APOL5: variants seen among roughly 807,000 people sequenced by gnomAD.
APOL5 encodes the protein apolipoprotein L, 5.
A neutral mutation model predicts 35.5 loss-of-function variants in APOL5; 29 were observed. The observed-to-expected ratio is 0.82, with a 90% CI of 0.61 to 1.11. APOL5 has a LOEUF of 1.11. Among genes scored for constraint, APOL5 ranks in the 50% most tolerant of loss-of-function variants. APOL5 has a pLI of 0.00. For synonymous variants in APOL5, 188 were observed against 200.2 expected (o/e 0.94, Z 0.51); for missense variants, 514 against 530.4 (o/e 0.97, Z 0.30).
chr22:35,713,135 T>C (rs933126985), upstream of APOL5, among the ~76,000 whole-genome samples: 2 of 152,244 alleles, frequency 1.3e-5, no homozygotes, highest in Non-Finnish European at 2.9e-5. Context: ...TTCTCTCCTC[T>C]TCCTCCCAAA....
upstream of APOL5, among the ~76,000 whole-genome samples, chr22:35,714,703 C>T (rs771402279): frequency 1.8e-4 from 28 of 152,140 alleles, no homozygotes; most frequent in Middle Eastern, 6.3e-3. Flanking sequence ...GCAGGGTGTC[C>T]GACTGAGAAG....
intron 4 of APOL5, 147 bp downstream of exon 4, chr22:35,729,051 G>A (rs577843601): frequency 1.6e-4 from 137 of 838,848 alleles, no homozygotes; most frequent in South Asian, 1.4e-3. Context: ...CACCTGCCAC[G>A]CCACCTGGTG....
In APOL5 at chr22:35,728,808, A is replaced by G. The variant is rs1927268454; in HGVS notation, c.1212A>G (p.Thr404=). The G allele has an allele frequency of 6.2e-7, 1 of 1,613,476 alleles. No homozygotes were observed. Among genetic ancestry groups the G allele is most frequent in the Admixed American group, 1.7e-5 (1 of 59,948 alleles). ...TGGCACTGAGGACACCAAAGAGGAC[A>G]GTCTCTGCCCCAAGGATGCTTGGCC... ...PGVALRTPKR[T]VSAPRMLGHQ... is the part of the protein sequence containing the mutation. Residue 404 remains threonine, a synonymous_variant, in exon 4 of 5, where the codon ACA becomes ACG. Coordinates refer to ENST00000249044, the MANE Select transcript of APOL5 (RefSeq NM_030642.1).
In APOL5 at chr22:35,726,421, A is replaced by C. The variant is rs1044243474; in HGVS notation, c.353A>C (p.Lys118Thr). 12 of 1,614,178 alleles carry C rather than the reference A, an allele frequency of 7.4e-6. No homozygotes were observed. Among genetic ancestry groups the C allele is most frequent in the Non-Finnish European group, 1.0e-5 (12 of 1,180,034 alleles). The change falls in exon 3 of 5, where the codon AAA becomes ACA. Residue 118 changes from lysine to threonine, a missense_variant. By Grantham distance (78) the Lys-to-Thr change is moderately conservative (BLOSUM62 -1). Around this residue, in one of 3 missense-constraint regions of APOL5, gnomAD observed 254 missense variants for 254.7 expected, o/e 1.00. Transcript: ENST00000249044. ...LHKFELEQNI[K>T]ELNTLADQVD... ...AAGTTTGAGCTAGAACAGAACATCAAAGAACTTAACACCCTTGCGGACCAA... is the reference window on the plus strand; with the variant it reads ...AAGTTTGAGCTAGAACAGAACATCACAGAACTTAACACCCTTGCGGACCAA...
intron 1 of APOL5, 110 bp downstream of exon 1, chr22:35,718,036 C>A: frequency 3.8e-6 from 3 of 796,640 alleles, no homozygotes; most frequent in Non-Finnish European, 5.4e-6. Context: ...TATGCTATTG[C>A]TGGGTGGAGA....
At chr22:35,709,718 A>T in the APOL5 span, among the ~76,000 whole-genome samples, 1 of 152,054 alleles carries the variant, frequency 6.6e-6, no homozygotes, top group Non-Finnish European at 1.5e-5. Context: ...TTTATTCCAT[A>T]TGTTTTTGCT....
intron 3 of APOL5, 130 bp downstream of exon 3, chr22:35,727,324 C>T: frequency 7.4e-7 from 1 of 1,345,484 alleles, no homozygotes; most frequent in East Asian, 2.4e-5. Flanking sequence ...AAAGAGAGGA[C>T]TTGCCGCACA....
chr22:35,725,510 C>T (rs192456553), intron 2 of APOL5, among the ~76,000 whole-genome samples: 3 of 152,114 alleles, frequency 2.0e-5, no homozygotes, highest in South Asian at 2.1e-4. Flanking sequence ...GCCTGGGCCT[C>T]CCAAAATGCT....
intron 1 of APOL5, among the ~76,000 whole-genome samples, 193 bp downstream of exon 1, chr22:35,718,119 C>T (rs1926825002): frequency 6.6e-6 from 1 of 152,212 alleles, no homozygotes; most frequent in African/African-American, 2.4e-5. Context: ...GAAAATACTA[C>T]ATCAAATAAC....
chr22:35,722,794 G>A (rs13055041), intron 2 of APOL5, among the ~76,000 whole-genome samples: 38,933 of 152,110 alleles, frequency 0.26, 5,615 homozygotes, highest in Non-Finnish European at 0.33. Flanking sequence ...TTCCCAAAGA[G>A]CCTAGATGTG....
chr22:35,720,101 G>A (rs1281992101), intron 1 of APOL5, among the ~76,000 whole-genome samples: 1 of 152,230 alleles, frequency 6.6e-6, no homozygotes, highest in Admixed American at 6.5e-5. Flanking sequence ...TGCCTGTTAG[G>A]TGGGGATATG....
At chr22:35,717,768 G>GAA (rs1555930162), upstream of APOL5, 17 of 412,084 alleles carry the variant, frequency 4.1e-5, no homozygotes, top group South Asian at 5.2e-4. Context: ...GAAAAGAAAA[G>GAA]AAAAAAAAAT....
In APOL5 at chr22:35,720,614, C is replaced by T. The variant is rs147206206; in HGVS notation, c.102C>T (p.Tyr34=). The T allele has an allele frequency of 1.4e-4, 221 of 1,614,090 alleles. No homozygotes were observed. The highest frequency in any genetic ancestry group is 1.7e-4 in the Non-Finnish European group (202 of 1,179,996). ...AAATGTGGCTTCGAAAGGTAATCTA[C>T]GGAGGTGAGGTCTGGGGGAAGTCCC... ...CKEMWLRKVI[Y]GGEVWGKSPE... Residue 34 remains tyrosine, a synonymous_variant, in exon 2 of 5, where the codon TAC becomes TAT. Transcript: ENST00000249044.
intron 1 of APOL5, among the ~76,000 whole-genome samples, 169 bp from the exon 2 acceptor site, chr22:35,720,399 G>T (rs1926925074): frequency 6.6e-6 from 1 of 152,050 alleles, no homozygotes; most frequent in Admixed American, 6.5e-5. Flanking sequence ...AAAATCATTA[G>T]ACAAAAATCA....
At chr22:35,717,235 A>AAAAAAAAAAAAAAAATATATATAT, upstream of APOL5, among the ~76,000 whole-genome samples, 2 of 57,662 alleles carry the variant, frequency 3.5e-5, no homozygotes, top group Middle Eastern at 0.011. Flanking sequence ...AAAAAAAAAA[A>AAAAAAAAAAAAAAAATATATATAT]ATATATATAT....
chr22:35,717,235 A>AAAAATATATATATATATATATAT, upstream of APOL5, among the ~76,000 whole-genome samples: 15 of 57,650 alleles, frequency 2.6e-4, no homozygotes, highest in African/African-American at 1.1e-3. Flanking sequence ...AAAAAAAAAA[A>AAAAATATATATATATATATATAT]ATATATATAT....
chr22:35,726,614 C>T lies in APOL5; in HGVS notation c.546C>T (p.Ile182=). 1 of 1,614,202 alleles carries T rather than the reference C, an allele frequency of 6.2e-7. No homozygotes were observed. The highest frequency in any genetic ancestry group is 1.1e-5 in the South Asian group (1 of 91,082). ...CAGGGTTGGGGGCAGCAGCTGCCATCACCAACATAGTAACAAATGTCTTAG... is the reference window on the plus strand; with the variant it reads ...CAGGGTTGGGGGCAGCAGCTGCCATTACCAACATAGTAACAAATGTCTTAG... ...TGTGLGAAAA[I]TNIVTNVLEN... is the part of the protein sequence containing the mutation. The change falls in exon 3 of 5, where the codon ATC becomes ATT. Residue 182 remains isoleucine, a synonymous_variant. Transcript: ENST00000249044.
intron 2 of APOL5, among the ~76,000 whole-genome samples, chr22:35,724,014 T>C (rs753782171): frequency 6.6e-6 from 1 of 152,152 alleles, no homozygotes; most frequent in Non-Finnish European, 1.5e-5. Flanking sequence ...TCCCACTGAA[T>C]GACAGTGAGC....
chr22:35,716,339 C>T (rs960121532), upstream of APOL5, among the ~76,000 whole-genome samples: 2 of 152,246 alleles, frequency 1.3e-5, no homozygotes, highest in Non-Finnish European at 2.9e-5. Context: ...GTGGTGCAAT[C>T]TCAGCTCACT....
Sources: gnomAD v4.1 joint callset for allele counts (sites outside exome capture counted in the v4.1 genomes callset) on GRCh38, gnomAD v4.1.1 for gene constraint, gnomAD v4.1.1 regional missense constraint, MANE v1.5 for transcripts, NCBI Gene and HGNC (gene_info 2026-07-23, HGNC 2026-07-21) for gene names.